DNAJC1: variants seen among roughly 807,000 people sequenced by gnomAD.
DNAJC1 encodes the protein DnaJ heat shock protein family (Hsp40) member C1.
DNAJC1 carries 58 observed loss-of-function variants against 76.6 expected under a neutral mutation model. The observed-to-expected ratio is 0.76, with a 90% CI of 0.61 to 0.94. DNAJC1 has a LOEUF of 0.94. Among genes scored for constraint, DNAJC1 ranks in the 40% least tolerant of loss-of-function variants. DNAJC1 has a pLI of 0.00. For missense variants in DNAJC1, 689 were observed against 677.3 expected, an observed-to-expected ratio of 1.02 and a Z score of -0.19; for synonymous variants, 258 against 267.9, an observed-to-expected ratio of 0.96 and a Z score of 0.36.
intron 1 of DNAJC1, among the ~76,000 whole-genome samples, chr10:21,995,129 C>G (rs1027950482): frequency 6.6e-6 from 1 of 151,888 alleles, no homozygotes. Flanking sequence ...TCAGAGGTTT[C>G]TTTTTAAAGT....
chr10:21,995,267 C>T (rs930685243), intron 1 of DNAJC1, among the ~76,000 whole-genome samples: 1 of 152,112 alleles, frequency 6.6e-6, no homozygotes, highest in African/African-American at 2.4e-5. Context: ...CCTAAGATTT[C>T]TTCATGGTCT....
intron 1 of DNAJC1, among the ~76,000 whole-genome samples, chr10:21,949,411 CTTTTT>C (rs1201250094): frequency 1.4e-5 from 1 of 70,178 alleles, no homozygotes; most frequent in Non-Finnish European, 2.7e-5. Flanking sequence ...CCCCCTTCTT[CTTTTT>C]TTTTTTTTTT....
intron 9 of DNAJC1, among the ~76,000 whole-genome samples, chr10:21,796,133 C>T (rs1486847504): frequency 6.6e-6 from 1 of 151,992 alleles, no homozygotes; most frequent in South Asian, 2.1e-4. Flanking sequence ...CCATACCCAG[C>T]TAATTTTTGT....
chr10:21,927,460 C>T (rs1837147346), intron 3 of DNAJC1, among the ~76,000 whole-genome samples: 1 of 152,104 alleles, frequency 6.6e-6, no homozygotes, highest in Non-Finnish European at 1.5e-5. Flanking sequence ...TGGCTTTTGC[C>T]TAAATGTCAA....
rs543355748 is a variant in DNAJC1, at chr10:21,784,888, C to T, written c.1099-18579G>A. On this transcript the variant is annotated intron_variant, in intron 9 of 11. Coordinates refer to ENST00000376980, the MANE Select transcript of DNAJC1 (RefSeq NM_022365.4). ...ACACAGGAAGGGGAACATCACACAC[C>T]GGGGCCTGTCATGGGGTGGGGGGCA... is the stretch of plus-strand genomic sequence containing the variant. Among the ~76,000 whole-genome samples the T allele has an allele frequency of 4.2e-4, 63 of 148,914 alleles. No homozygotes were observed. In the South Asian group the frequency reaches 5.4e-3, roughly 13 times the overall value.
chr10:21,894,546 G>T (rs1271656035), intron 7 of DNAJC1, among the ~76,000 whole-genome samples: 1 of 152,116 alleles, frequency 6.6e-6, no homozygotes, highest in Non-Finnish European at 1.5e-5. Flanking sequence ...ACTCCAGCCT[G>T]GGCAACAAGA....
chr10:21,931,739 T>G (rs1449400081), intron 1 of DNAJC1, among the ~76,000 whole-genome samples: 1 of 152,222 alleles, frequency 6.6e-6, no homozygotes, highest in Non-Finnish European at 1.5e-5. Context: ...TCTAATACAT[T>G]TGATATCACA....
At chr10:21,853,716 C>T (rs1031780149) in intron 8 of DNAJC1, among the ~76,000 whole-genome samples, 3 of 147,782 alleles carry the variant, frequency 2.0e-5, no homozygotes, top group Non-Finnish European at 4.4e-5. Flanking sequence ...ATTGCTTGAA[C>T]CCAGGAGGCA....
intron 1 of DNAJC1, among the ~76,000 whole-genome samples, chr10:21,960,643 T>C (rs534868178): frequency 2.6e-5 from 4 of 152,262 alleles, no homozygotes; most frequent in African/African-American, 9.6e-5. Flanking sequence ...TAAGCCAAAG[T>C]TGCACTGCTG....
intron 1 of DNAJC1, among the ~76,000 whole-genome samples, chr10:21,931,849 G>A (rs1426300667): frequency 3.3e-5 from 5 of 152,110 alleles, no homozygotes; most frequent in Non-Finnish European, 5.9e-5. Context: ...TTGACAGCAC[G>A]TGAGTGAAGT....
At chr10:21,890,327 C>T (rs1056114193) in intron 7 of DNAJC1, among the ~76,000 whole-genome samples, 6 of 151,090 alleles carry the variant, frequency 4.0e-5, no homozygotes, top group Non-Finnish European at 5.9e-5. Context: ...GCAGGAGAAT[C>T]GCTTGAACCT....
At chr10:21,844,007 T>C (rs758983216) in intron 8 of DNAJC1, among the ~76,000 whole-genome samples, 1 of 152,082 alleles carries the variant, frequency 6.6e-6, no homozygotes, top group Non-Finnish European at 1.5e-5. Flanking sequence ...TCTTACAAGA[T>C]CTGATGGTTT....
In DNAJC1 at chr10:21,796,402, G is replaced by A. The variant is rs75499350; in HGVS notation, c.1098+9578C>T. On this transcript the variant is annotated intron_variant, in intron 9 of 11. Coordinates refer to ENST00000376980, the MANE Select transcript of DNAJC1 (RefSeq NM_022365.4). ...ACTGTGCATAATGGTGCAATGAACG[G>A]GGAAGTGCAGATACCTCTTTGAGAT... Among the ~76,000 whole-genome samples, 594 of 152,224 alleles carry A rather than the reference G, an allele frequency of 3.9e-3. 5 individuals carry two copies. The highest frequency in any genetic ancestry group is 0.014 in the African/African-American group (561 of 41,548).
At chr10:21,897,254 G>A (rs1179536034) in intron 7 of DNAJC1, among the ~76,000 whole-genome samples, 1 of 152,052 alleles carries the variant, frequency 6.6e-6, no homozygotes, top group African/African-American at 2.4e-5. Flanking sequence ...TGTCCTCGTG[G>A]TGTTTACTCC....
intron 9 of DNAJC1, among the ~76,000 whole-genome samples, chr10:21,788,587 G>C (rs1046613349): frequency 1.3e-5 from 2 of 152,088 alleles, no homozygotes; most frequent in African/African-American, 4.8e-5. Flanking sequence ...TGCCCCTCAT[G>C]GCCCAAACGA....
At chr10:21,950,380 T>C (rs922383872) in intron 1 of DNAJC1, among the ~76,000 whole-genome samples, 1 of 152,202 alleles carries the variant, frequency 6.6e-6, no homozygotes, top group African/African-American at 2.4e-5. Flanking sequence ...TATAAATTGG[T>C]AAATTTAATC....
rs558044194 is a variant in DNAJC1, at chr10:21,783,946, A to T, written c.1099-17637T>A. On this transcript the variant is annotated intron_variant, in intron 9 of 11. Coordinates refer to ENST00000376980, the MANE Select transcript of DNAJC1 (RefSeq NM_022365.4). ...AAATGTTAGACCTAAAACCATAAAAACCCTAGAAGAAAACCTAGGCAATAC... is the reference window on the plus strand; with the variant it reads ...AAATGTTAGACCTAAAACCATAAAATCCCTAGAAGAAAACCTAGGCAATAC... Among the ~76,000 whole-genome samples, 13 of 152,318 alleles carry T rather than the reference A, an allele frequency of 8.5e-5. No homozygotes were observed. The East Asian group carries it at 1.5e-3, about 18-fold the overall frequency.
chr10:21,826,660 A>AT (rs571751963), intron 8 of DNAJC1, among the ~76,000 whole-genome samples: 5 of 152,204 alleles, frequency 3.3e-5, no homozygotes, highest in South Asian at 2.1e-4. Context: ...TCTTTGACCC[A>AT]TTTTTGTAAA....
At position 21,904,509 on chromosome 10, in the gene DNAJC1, G is replaced by A. The variant is rs79248107; in HGVS notation, c.820+13C>T. 1.3e-3 allele frequency: 1,911 copies of A among 1,501,410 alleles called. 56 individuals carry two copies. The East Asian group carries it at 0.04, about 32-fold the overall frequency. The allele number at this position is 1,501,410 out of a possible 1,614,324, so 93.0% of individuals were successfully genotyped here. A position where few individuals can be genotyped will look rare whatever the true frequency, so the allele number is the denominator to read the frequency against. Reference sequence around the variant, plus strand: ...TATATGACATTGTTAAAACACTAATGTTTAAAACTCACTTTGAAGTGTTTC... The same window carrying A: ...TATATGACATTGTTAAAACACTAATATTTAAAACTCACTTTGAAGTGTTTC... On this transcript the variant is annotated intron_variant, in intron 7 of 11. Coordinates refer to ENST00000376980, the MANE Select transcript of DNAJC1 (RefSeq NM_022365.4).
Sources: gnomAD v4.1 joint callset for allele counts (sites outside exome capture counted in the v4.1 genomes callset) on GRCh38, gnomAD v4.1.1 for gene constraint, MANE v1.5 for transcripts, NCBI Gene and HGNC (gene_info 2026-07-23, HGNC 2026-07-21) for gene names.